CHST9: variants seen among roughly 807,000 people sequenced by gnomAD.
CHST9 encodes the protein GalNAc-4-sulfotransferase 2.
Under a neutral mutation model 44.4 loss-of-function variants are expected in CHST9, and 41 were observed. The observed-to-expected ratio is 0.92, with a 90% CI of 0.72 to 1.20. CHST9 has a LOEUF of 1.20. Ranked by LOEUF, CHST9 falls within the 50% of genes most tolerant of loss-of-function variation. The pLI, the probability that CHST9 is intolerant of heterozygous loss-of-function variation, is 0.00. For synonymous variants in CHST9, 171 were observed against 178.4 expected (o/e 0.96, Z 0.33); for missense variants, 504 against 516.5 (o/e 0.98, Z 0.23).
intron 1 of CHST9, among the ~76,000 whole-genome samples, 176 bp downstream of exon 1, chr18:27,184,960 G>A (rs2058944163): frequency 6.6e-6 from 1 of 152,074 alleles, no homozygotes; most frequent in African/African-American, 2.4e-5. Context: ...ACTGGAGGTA[G>A]GGGAGATAGA....
intron 4 of CHST9, among the ~76,000 whole-genome samples, chr18:26,956,541 T>C (rs1218428070): frequency 1.3e-5 from 2 of 151,388 alleles, no homozygotes; most frequent in African/African-American, 4.8e-5. Context: ...TCCTAGTGGT[T>C]ATGATTCTGC....
intron 2 of CHST9, among the ~76,000 whole-genome samples, chr18:27,141,591 C>CAAAAA (rs34920055): frequency 2.5e-3 from 124 of 50,026 alleles, no homozygotes; most frequent in Middle Eastern, 0.02. Flanking sequence ...AATCCCGACT[C>CAAAAA]AAAAAAAAAA....
At chr18:27,054,050 C>T (rs894711155) in intron 2 of CHST9, among the ~76,000 whole-genome samples, 4 of 152,168 alleles carry the variant, frequency 2.6e-5, no homozygotes, top group African/African-American at 9.7e-5. Context: ...TGGCTTCCTT[C>T]AGGACAAGTC....
chr18:27,044,738 A>C (rs1266997122), intron 3 of CHST9, among the ~76,000 whole-genome samples: 1 of 152,064 alleles, frequency 6.6e-6, no homozygotes, highest in Non-Finnish European at 1.5e-5. Context: ...TAGCCTAGAG[A>C]AAAATCATGC....
chr18:27,044,163 T>A (rs976609464), intron 3 of CHST9, among the ~76,000 whole-genome samples: 1 of 152,068 alleles, frequency 6.6e-6, no homozygotes, highest in South Asian at 2.1e-4. Flanking sequence ...TTCCTCATGA[T>A]ACCTTGTACA....
At chr18:27,147,415 G>T (rs2058621896) in intron 1 of CHST9, among the ~76,000 whole-genome samples, 1 of 152,066 alleles carries the variant, frequency 6.6e-6, no homozygotes, top group Admixed American at 6.6e-5. Context: ...GGGAATGTCG[G>T]TTTGGACCAA....
chr18:26,907,648 T>C lies in CHST9; in HGVS notation c.*8611A>G, dbSNP rs190826261. On this transcript the variant is annotated 3_prime_UTR_variant, in exon 6 of 6. Coordinates refer to ENST00000618847, the MANE Select transcript of CHST9 (RefSeq NM_031422.6). ...AAAGAGGAATAAAGGACACTTCAGG[T>C]CGTGTAATAGTGTGAGCAAAATAGG... The C allele has an allele frequency of 2.5e-3, 374 of 152,524 alleles. No homozygotes were observed. Among genetic ancestry groups the C allele is most frequent in the South Asian group, 7.0e-3 (34 of 4,832 alleles). The allele number at this position is 152,524 out of a possible 1,614,324, so 9.4% of individuals were successfully genotyped here.
chr18:27,087,717 C>A (rs1431130338), intron 2 of CHST9, among the ~76,000 whole-genome samples: 5 of 152,168 alleles, frequency 3.3e-5, no homozygotes, highest in African/African-American at 1.2e-4. Context: ...TATCTAATAA[C>A]CTTATTAGCT....
rs76331552 is a variant in CHST9, at chr18:26,961,209, C to T, written c.203-16843G>A. On this transcript the variant is annotated intron_variant, in intron 4 of 5. Transcript: ENST00000618847. ...TGTCCAGCTTGGAAAGGCACAACTC[C>T]GTGCAGCAATTAAAAATAATAAGGT... is the stretch of plus-strand genomic sequence containing the variant. Among the ~76,000 whole-genome samples, 191 of 152,242 alleles carry T rather than the reference C, an allele frequency of 1.3e-3. 5 individuals carry two copies. In the East Asian group the frequency reaches 0.031, roughly 24 times the overall value.
At chr18:27,079,727 T>G (rs1386543793) in intron 2 of CHST9, among the ~76,000 whole-genome samples, 1 of 152,150 alleles carries the variant, frequency 6.6e-6, no homozygotes, top group Non-Finnish European at 1.5e-5. Context: ...GAGTCTACCG[T>G]GAGTGGGCAG....
chr18:27,024,006 C>T, intron 4 of CHST9, 110 bp downstream of exon 4: 1 of 1,038,158 alleles, frequency 9.6e-7, no homozygotes. Flanking sequence ...TGGCTATCAT[C>T]AGCAGAACAG....
intron 5 of CHST9, among the ~76,000 whole-genome samples, chr18:26,930,020 T>A (rs893586101): frequency 7.9e-5 from 12 of 152,224 alleles, no homozygotes; most frequent in African/African-American, 2.9e-4. Flanking sequence ...TTCGTCTCAC[T>A]GGATTAAGCA....
chr18:27,084,110 T>G (rs1486628682), intron 2 of CHST9, among the ~76,000 whole-genome samples: 3 of 151,988 alleles, frequency 2.0e-5, no homozygotes, highest in Non-Finnish European at 4.4e-5. Flanking sequence ...CTTTTTTTTT[T>G]TTGCTTGTGT....
intron 1 of CHST9, among the ~76,000 whole-genome samples, chr18:27,158,895 A>C (rs1419518520): frequency 1.3e-5 from 2 of 152,224 alleles, no homozygotes; most frequent in Non-Finnish European, 2.9e-5. Context: ...TGGCTGCATA[A>C]ATGTCTTCTT....
chr18:26,988,657 C>A (rs2056782077), intron 4 of CHST9, among the ~76,000 whole-genome samples: 1 of 152,090 alleles, frequency 6.6e-6, no homozygotes, highest in Non-Finnish European at 1.5e-5. Context: ...CTCATCAAGG[C>A]TATAATAGAC....
At chr18:27,155,086 TAAAAA>T (rs145704285) in intron 1 of CHST9, among the ~76,000 whole-genome samples, 1 of 108,754 alleles carries the variant, frequency 9.2e-6, no homozygotes, top group Non-Finnish European at 2.0e-5. Context: ...TTTCAAAAGT[TAAAAA>T]AAAAAAAAAA....
At chr18:27,055,660 A>C (rs1411778481) in intron 2 of CHST9, among the ~76,000 whole-genome samples, 1 of 152,154 alleles carries the variant, frequency 6.6e-6, no homozygotes, top group Admixed American at 6.5e-5. Context: ...ATAATTTCAA[A>C]ATTAGTGCTG....
chr18:27,128,156 G>A (rs902263259), intron 2 of CHST9, among the ~76,000 whole-genome samples: 1 of 152,100 alleles, frequency 6.6e-6, no homozygotes, highest in South Asian at 2.1e-4. Context: ...AGACACCCTG[G>A]CTGATCTTGG....
chr18:27,086,930 G>T (rs2058018523), intron 2 of CHST9, among the ~76,000 whole-genome samples: 1 of 151,960 alleles, frequency 6.6e-6, no homozygotes, highest in Non-Finnish European at 1.5e-5. Context: ...ACATGAGGTG[G>T]TTTCTTTAAT....
Sources: allele counts gnomAD v4.1 joint callset (sites outside exome capture counted in the v4.1 genomes callset), GRCh38; gene constraint gnomAD v4.1.1; transcripts MANE v1.5; gene names NCBI Gene and HGNC (gene_info 2026-07-23, HGNC 2026-07-21).